The following OR9Q1 variants were observed in gnomAD, a reference collection of about 807,000 sequenced individuals.
OR9Q1 encodes olfactory receptor family 9 subfamily Q member 1, also known as olfactory receptor 9Q1.
For missense variants in OR9Q1, 374 were observed against 378.8 expected, an observed-to-expected ratio of 0.99 and a Z score of 0.11; for synonymous variants, 153 against 148.6, an observed-to-expected ratio of 1.03 and a Z score of -0.22.
intron 1 of OR9Q1, chr11:58,031,174 G>T: frequency 6.2e-7 from 1 of 1,614,100 alleles, no homozygotes; most frequent in East Asian, 2.2e-5. Flanking sequence ...TTGAAATCTG[G>T]TACACTTCTG....
chr11:58,180,402 G>C lies in OR9Q1; in HGVS notation c.*25G>C. 6.9e-7 allele frequency: 1 copy of C among 1,440,146 alleles called. No homozygotes were observed. Among genetic ancestry groups the C allele is most frequent in the East Asian group, 2.3e-5 (1 of 43,666 alleles). The allele number at this position is 1,440,146 out of a possible 1,614,324, so 89.2% of individuals were successfully genotyped here. A position where few individuals can be genotyped will look rare whatever the true frequency, so the allele number is the denominator to read the frequency against. On this transcript the variant is annotated 3_prime_UTR_variant, in exon 3 of 3. Coordinates refer to ENST00000335397, the MANE Select transcript of OR9Q1 (RefSeq NM_001005212.4). ...ACCATCTCCAAACTTGGAAAATCCC[G>C]AGAACCACCTACTCTGTAGTGTCAG...
intron 2 of OR9Q1, among the ~76,000 whole-genome samples, chr11:58,134,804 C>T (rs1052821378): frequency 6.6e-6 from 1 of 152,162 alleles, no homozygotes; most frequent in African/African-American, 2.4e-5. Flanking sequence ...ATTCTGGCTG[C>T]TTTTCTTCCT....
intron 2 of OR9Q1, among the ~76,000 whole-genome samples, chr11:58,056,986 GGTTT>G (rs1229955842): frequency 1.5e-4 from 17 of 111,136 alleles, no homozygotes; most frequent in Admixed American, 5.3e-4. Context: ...ATACAATTCA[GGTTT>G]TTTTTTTTTT....
intron 2 of OR9Q1, chr11:58,077,625 A>C (rs1853549870): frequency 6.6e-6 from 1 of 152,182 alleles, no homozygotes; most frequent in Non-Finnish European, 1.5e-5. Flanking sequence ...AGCCCTGATG[A>C]TTAGCAGGTA....
intron 2 of OR9Q1, among the ~76,000 whole-genome samples, chr11:58,150,478 T>C (rs958596090): frequency 7.9e-5 from 12 of 152,208 alleles, no homozygotes; most frequent in Non-Finnish European, 1.2e-4. Context: ...TTGAGTTGCA[T>C]GAGTTCTTTG....
intron 2 of OR9Q1, among the ~76,000 whole-genome samples, chr11:58,113,867 T>C (rs1326426139): frequency 8.6e-6 from 1 of 115,842 alleles, no homozygotes; most frequent in African/African-American, 4.5e-5. Context: ...TGGAATGTAT[T>C]TTATTTCCAA....
At chr11:58,142,172 G>A (rs1414052708) in intron 2 of OR9Q1, among the ~76,000 whole-genome samples, 1 of 151,950 alleles carries the variant, frequency 6.6e-6, no homozygotes, top group Non-Finnish European at 1.5e-5. Context: ...ATACTCTGCA[G>A]CATTTTTTTC....
intron 1 of OR9Q1, among the ~76,000 whole-genome samples, chr11:58,048,309 C>G (rs1347449771): frequency 6.6e-6 from 1 of 152,058 alleles, no homozygotes; most frequent in Admixed American, 6.6e-5. Context: ...CTGATTTGAT[C>G]ATTACATATT....
At chr11:58,084,786 A>G (rs1240153496) in intron 2 of OR9Q1, among the ~76,000 whole-genome samples, 1 of 151,876 alleles carries the variant, frequency 6.6e-6, no homozygotes, top group Non-Finnish European at 1.5e-5. Flanking sequence ...TCAAAGGAAC[A>G]TACCTCAAAA....
chr11:58,105,623 TCATATC>T (rs1461334607), intron 2 of OR9Q1, among the ~76,000 whole-genome samples: 19 of 152,178 alleles, frequency 1.2e-4, no homozygotes, highest in African/African-American at 4.3e-4. Context: ...AAGTGTAACT[TCATATC>T]CATTTTCCCT....
intron 2 of OR9Q1, among the ~76,000 whole-genome samples, chr11:58,112,712 C>A (rs1486141735): frequency 6.6e-6 from 1 of 152,142 alleles, no homozygotes; most frequent in Non-Finnish European, 1.5e-5. Flanking sequence ...AAAACCTACA[C>A]AATAAGAACA....
At chr11:58,128,767 G>A (rs1791546678) in intron 2 of OR9Q1, among the ~76,000 whole-genome samples, 1 of 152,042 alleles carries the variant, frequency 6.6e-6, no homozygotes, top group Non-Finnish European at 1.5e-5. Flanking sequence ...TACATAAAAT[G>A]TTAAAAATTC....
chr11:58,032,784 C>A (rs1853055583), intron 1 of OR9Q1, among the ~76,000 whole-genome samples: 1 of 152,164 alleles, frequency 6.6e-6, no homozygotes, highest in African/African-American at 2.4e-5. Flanking sequence ...TAAATAGCTT[C>A]TGCACAGTAA....
intron 2 of OR9Q1, among the ~76,000 whole-genome samples, chr11:58,057,310 C>G (rs532582007): frequency 6.6e-6 from 1 of 152,128 alleles, no homozygotes; most frequent in Non-Finnish European, 1.5e-5. Flanking sequence ...ATTAAAGTAC[C>G]TAATGACCAG....
Position 58,180,632 on chromosome 11 carries a change from A to C in OR9Q1, c.*255A>C. 1 of 343,206 alleles carries C rather than the reference A, an allele frequency of 2.9e-6. No individual in the cohort carries two copies. Among genetic ancestry groups the C allele is most frequent in the Non-Finnish European group, 5.5e-6 (1 of 180,430 alleles). The allele number at this position is 343,206 out of a possible 1,614,324, so 21.3% of individuals were successfully genotyped here. ...TGAAATTAAAGCCTGTGCAATCCAA[A>C]TATGGCACACTTCACCTGTCTGTGA... On this transcript the variant is annotated 3_prime_UTR_variant, in exon 3 of 3. Transcript: ENST00000335397.
chr11:58,075,330 G>A (rs1045304429), intron 2 of OR9Q1: 3 of 152,146 alleles, frequency 2.0e-5, no homozygotes, highest in Admixed American at 1.3e-4. Flanking sequence ...CATGTCCCTT[G>A]TAAGTTGTAT....
chr11:58,078,011 G>A (rs769621742), intron 2 of OR9Q1: 2 of 152,192 alleles, frequency 1.3e-5, no homozygotes, highest in Non-Finnish European at 2.9e-5. Context: ...ACAAAAATTA[G>A]CCAGGCATGG....
intron 2 of OR9Q1, among the ~76,000 whole-genome samples, chr11:58,148,149 AC>A (rs1358201102): frequency 6.6e-6 from 1 of 152,084 alleles, no homozygotes; most frequent in African/African-American, 2.4e-5. Flanking sequence ...CGACACCAAA[AC>A]TTTAATTATG....
At chr11:58,026,608 G>A (rs1852975488) in intron 1 of OR9Q1, 1 of 148,046 alleles carries the variant, frequency 6.8e-6, no homozygotes, top group Non-Finnish European at 1.5e-5. Context: ...CTTGAACCTA[G>A]GAGGCGGAGG....
Sources: allele counts gnomAD v4.1 joint callset (sites outside exome capture counted in the v4.1 genomes callset), GRCh38; gene constraint gnomAD v4.1.1; transcripts MANE v1.5; gene names NCBI Gene and HGNC (gene_info 2026-07-23, HGNC 2026-07-21).